The following MAF variants were observed in gnomAD, a reference collection of about 807,000 sequenced individuals.
The protein encoded by MAF is transcription factor Maf.
In MAF, 10 loss-of-function variants were observed where a neutral mutation model predicts 22.0. The ratio of observed to expected loss-of-function variants is 0.45; its 90% CI spans 0.28 to 0.77. MAF has a LOEUF of 0.77. Ranked by LOEUF, MAF falls within the 30% of genes least tolerant of loss-of-function variation. The pLI is 0.12. For synonymous variants in MAF, 337 were observed against 255.8 expected (o/e 1.32, Z -3.03); for missense variants, 544 against 548.4 (o/e 0.99, Z 0.08).
chr16:79,445,306 G>A, the MAF span, among the ~76,000 whole-genome samples: 1 of 152,054 alleles, frequency 6.6e-6, no homozygotes, highest in Non-Finnish European at 1.5e-5. Flanking sequence ...GCCTCCCAAA[G>A]TGCTGGGATT....
At chr16:79,212,076 G>GT in the MAF span, 9 of 1,536,300 alleles carry the variant, frequency 5.9e-6, no homozygotes, top group Non-Finnish European at 7.0e-6. Context: ...TGTAGGTTCC[G>GT]TATCTCCCTG....
the MAF span, among the ~76,000 whole-genome samples, chr16:79,506,691 T>G: frequency 3.3e-5 from 5 of 152,168 alleles, no homozygotes; most frequent in African/African-American, 1.2e-4. Context: ...TCATGCTGTG[T>G]GCATGGTGCA....
At chr16:79,375,796 A>G in the MAF span, among the ~76,000 whole-genome samples, 1 of 152,162 alleles carries the variant, frequency 6.6e-6, no homozygotes, top group Non-Finnish European at 1.5e-5. Flanking sequence ...GTCCTGCTGC[A>G]TTTTGGCAAA....
intron 1 of MAF, chr16:79,596,940 A>C: frequency 9.5e-7 from 1 of 1,050,256 alleles, no homozygotes; most frequent in Non-Finnish European, 1.1e-6. Context: ...TTCAGTCCCA[A>C]ATACTTTAAT....
chr16:79,546,965 A>G, the MAF span, among the ~76,000 whole-genome samples: 3 of 152,230 alleles, frequency 2.0e-5, no homozygotes, highest in East Asian at 5.8e-4. Context: ...GTGACAATTG[A>G]AAGTGCAAAT....
chr16:79,459,662 T>C, the MAF span, among the ~76,000 whole-genome samples: 1 of 151,900 alleles, frequency 6.6e-6, no homozygotes, highest in Non-Finnish European at 1.5e-5. Context: ...AGCCTCGACT[T>C]CCTGGGCTCA....
the MAF span, among the ~76,000 whole-genome samples, chr16:79,539,044 C>G: frequency 1.3e-5 from 2 of 151,914 alleles, no homozygotes; most frequent in African/African-American, 4.8e-5. Flanking sequence ...CAAGAGTAGA[C>G]AAAGATGAAT....
chr16:79,347,553 C>T, the MAF span, among the ~76,000 whole-genome samples: 3 of 152,176 alleles, frequency 2.0e-5, no homozygotes, highest in Non-Finnish European at 4.4e-5. Flanking sequence ...TCCCTATTAT[C>T]GAGAAAAGTT....
chr16:79,557,707 CCAAAGA>C, the MAF span, among the ~76,000 whole-genome samples: 1 of 152,010 alleles, frequency 6.6e-6, no homozygotes, highest in African/African-American at 2.4e-5. Flanking sequence ...AGTTATGATT[CCAAAGA>C]CAAAGTTCAT....
the MAF span, among the ~76,000 whole-genome samples, chr16:79,446,072 G>GA: frequency 0.046 from 7,013 of 151,600 alleles, 210 homozygotes; most frequent in South Asian, 0.14. Context: ...GAGACAGAGA[G>GA]AAAAAAAAGA....
chr16:79,293,837 AAGAGAGAGAGAG>A, the MAF span, among the ~76,000 whole-genome samples: 20 of 148,404 alleles, frequency 1.3e-4, no homozygotes, highest in African/African-American at 4.2e-4. Context: ...TCTAAATGAA[AAGAGAGAGAGAG>A]AGAGAGAGAG....
the MAF span, among the ~76,000 whole-genome samples, chr16:79,275,105 C>G: frequency 6.6e-6 from 1 of 152,180 alleles, no homozygotes; most frequent in Non-Finnish European, 1.5e-5. Flanking sequence ...CCTGTAATCC[C>G]AGCACTTTGG....
chr16:79,564,893 C>G, the MAF span, among the ~76,000 whole-genome samples: 9,686 of 152,180 alleles, frequency 0.064, 385 homozygotes, highest in Middle Eastern at 0.11. Context: ...CTTGCTCTTA[C>G]GAAGGAATAA....
At chr16:79,583,172 C>T (rs1381691882), downstream of MAF, among the ~76,000 whole-genome samples, 3 of 152,188 alleles carry the variant, frequency 2.0e-5, no homozygotes, top group Non-Finnish European at 4.4e-5. Flanking sequence ...TTACGGGCAA[C>T]ACAGAAGGAC....
the MAF span, among the ~76,000 whole-genome samples, chr16:79,216,513 C>G: frequency 2.0e-5 from 3 of 152,064 alleles, no homozygotes; most frequent in Non-Finnish European, 2.9e-5. Context: ...GTATAGCATT[C>G]AATAAATTAC....
At chr16:79,253,319 G>C in the MAF span, among the ~76,000 whole-genome samples, 8 of 152,196 alleles carry the variant, frequency 5.3e-5, no homozygotes, top group Admixed American at 2.6e-4. Flanking sequence ...TATTGGCTGA[G>C]CTCCCGGGCC....
At chr16:79,511,821 T>C in the MAF span, among the ~76,000 whole-genome samples, 2 of 152,180 alleles carry the variant, frequency 1.3e-5, no homozygotes, top group African/African-American at 2.4e-5. Context: ...AGAACCAACA[T>C]TGGAATTCAT....
At chr16:79,273,516 A>C in the MAF span, among the ~76,000 whole-genome samples, 1 of 152,200 alleles carries the variant, frequency 6.6e-6, no homozygotes, top group Non-Finnish European at 1.5e-5. Context: ...GCTAAAATCA[A>C]GGTGTCTGCC....
At chr16:79,516,451 G>T in the MAF span, among the ~76,000 whole-genome samples, 1 of 152,180 alleles carries the variant, frequency 6.6e-6, no homozygotes, top group South Asian at 2.1e-4. Flanking sequence ...GCAAAGGTGA[G>T]TATTATTATC....
Sources: gnomAD v4.1 joint callset for allele counts (sites outside exome capture counted in the v4.1 genomes callset) on GRCh38, gnomAD v4.1.1 for gene constraint, MANE v1.5 for transcripts, NCBI Gene and HGNC (gene_info 2026-07-23, HGNC 2026-07-21) for gene names.